The following ANO3 variants were observed in gnomAD, a reference collection of about 807,000 sequenced individuals.
ANO3 encodes the protein anoctamin-3.
Under a neutral mutation model 144.8 loss-of-function variants are expected in ANO3, and 99 were observed. That is an observed-to-expected ratio of 0.68 (90% confidence interval 0.58 to 0.81). The LOEUF is 0.81. Ranked by LOEUF, ANO3 falls within the 30% of genes least tolerant of loss-of-function variation. ANO3 has a pLI of 0.00. For synonymous variants in ANO3, 414 were observed against 392.6 expected (o/e 1.05, Z -0.64); for missense variants, 905 against 1,202.2 (o/e 0.75, Z 3.66).
At chr11:26,532,436 T>C (rs1207414171) in intron 8 of ANO3, among the ~76,000 whole-genome samples, 1 of 152,072 alleles carries the variant, frequency 6.6e-6, no homozygotes, top group Non-Finnish European at 1.5e-5. Context: ...ACCAGAGTAA[T>C]CTTTGGAAAA....
At chr11:26,502,656 C>T (rs1861244525) in intron 4 of ANO3, among the ~76,000 whole-genome samples, 1 of 152,106 alleles carries the variant, frequency 6.6e-6, no homozygotes, top group Non-Finnish European at 1.5e-5. Context: ...CTCTGACATT[C>T]TTCATGTCTT....
At chr11:26,332,086 C>T (rs1018705386), upstream of ANO3, 109 of 1,451,380 alleles carry the variant, frequency 7.5e-5, no homozygotes, top group Non-Finnish European at 9.5e-5. Context: ...GCTAGACCGC[C>T]CTCCCGCGTT....
intron 1 of ANO3, among the ~76,000 whole-genome samples, chr11:26,312,338 G>A (rs1364719559): frequency 6.6e-6 from 1 of 152,168 alleles, no homozygotes; most frequent in South Asian, 2.1e-4. Flanking sequence ...AGCATGATTT[G>A]TAATCCTTTG....
At chr11:26,406,939 T>A (rs1023149671) in intron 1 of ANO3, among the ~76,000 whole-genome samples, 11 of 147,720 alleles carry the variant, frequency 7.4e-5, no homozygotes, top group African/African-American at 2.7e-4. Context: ...TATAAATACA[T>A]CTGTGTATAT....
chr11:26,560,959 C>CA, intron 14 of ANO3: 1 of 1,140,990 alleles, frequency 8.8e-7, no homozygotes, highest in Non-Finnish European at 1.2e-6. Flanking sequence ...TTCTCCTTGA[C>CA]AAAATCCACG....
At position 26,523,997 on chromosome 11, in the gene ANO3, T is replaced by A. The variant is rs537749351; in HGVS notation, c.693-1638T>A. Among the ~76,000 whole-genome samples, 7 of 152,258 alleles carry A rather than the reference T, an allele frequency of 4.6e-5. No homozygotes were observed. The East Asian group carries it at 1.4e-3, about 29-fold the overall frequency. On this transcript the variant is annotated intron_variant, in intron 6 of 26. Transcript: ENST00000256737. ...CCAATTTCCATATTTGTAGCTTTTT[T>A]GAAAAAAATACTGTATTTAGTAAGT...
At chr11:26,211,647 GT>G (rs1564918796) in intron 1 of ANO3, among the ~76,000 whole-genome samples, 1 of 152,178 alleles carries the variant, frequency 6.6e-6, no homozygotes. Flanking sequence ...GTAGAAGACA[GT>G]TTGGCAATTT....
intron 10 of ANO3, among the ~76,000 whole-genome samples, chr11:26,538,987 A>G (rs890607541): frequency 1.3e-5 from 2 of 152,122 alleles, no homozygotes; most frequent in African/African-American, 4.8e-5. Context: ...CTTTTCCTTA[A>G]TGCAGGAGAC....
At chr11:26,373,621 T>C (rs1423044817) in intron 1 of ANO3, among the ~76,000 whole-genome samples, 1 of 152,206 alleles carries the variant, frequency 6.6e-6, no homozygotes, top group Non-Finnish European at 1.5e-5. Flanking sequence ...GTCCTGATAC[T>C]TCTTACTTTT....
chr11:26,196,921 TAA>T (rs991085257), intron 1 of ANO3, among the ~76,000 whole-genome samples: 20 of 152,226 alleles, frequency 1.3e-4, no homozygotes, highest in African/African-American at 4.8e-4. Context: ...AAAAACTCAT[TAA>T]GAGAGAATAA....
chr11:26,413,371 A>C (rs1394179279), intron 1 of ANO3, among the ~76,000 whole-genome samples: 1 of 151,928 alleles, frequency 6.6e-6, no homozygotes, highest in Non-Finnish European at 1.5e-5. Flanking sequence ...TCTACACAAG[A>C]ATATTTGAAG....
At chr11:26,652,593 C>G (rs1476172359) in intron 24 of ANO3, among the ~76,000 whole-genome samples, 1 of 152,098 alleles carries the variant, frequency 6.6e-6, no homozygotes, top group African/African-American at 2.4e-5. Flanking sequence ...TGTATTTTGC[C>G]TCTATTTACA....
Position 26,635,955 on chromosome 11 carries a change from T to C in ANO3, c.2043+885T>C, listed in dbSNP as rs1852944540. Among the ~76,000 whole-genome samples, 3 of 152,156 alleles carry C rather than the reference T, an allele frequency of 2.0e-5. No individual in the cohort carries two copies. In the South Asian group the frequency reaches 6.2e-4, roughly 32 times the overall value. ...GCTCACACCTGTAGTCCCAACACTT[T>C]AGGAGGCCAAGGCAGGATGATTGCT... On this transcript the variant is annotated intron_variant, in intron 20 of 26. Transcript: ENST00000256737.
At chr11:26,546,971 G>A (rs1440483882) in intron 11 of ANO3, among the ~76,000 whole-genome samples, 3 of 151,870 alleles carry the variant, frequency 2.0e-5, no homozygotes, top group Admixed American at 6.6e-5. Context: ...TGCACATTGT[G>A]TCTAGCATAA....
At chr11:26,233,891 A>G (rs1415240705) in intron 1 of ANO3, among the ~76,000 whole-genome samples, 3 of 152,202 alleles carry the variant, frequency 2.0e-5, no homozygotes, top group Non-Finnish European at 4.4e-5. Flanking sequence ...GAGTCAAACA[A>G]CGAGAACACA....
At chr11:26,308,458 A>G (rs1854433224), upstream of ANO3, among the ~76,000 whole-genome samples, 1 of 152,192 alleles carries the variant, frequency 6.6e-6, no homozygotes, top group South Asian at 2.1e-4. Flanking sequence ...ATCATTATTC[A>G]TTTATCTGGC....
chr11:26,632,230 T>C (rs1398332451), intron 18 of ANO3, among the ~76,000 whole-genome samples: 4 of 146,516 alleles, frequency 2.7e-5, no homozygotes, highest in Non-Finnish European at 6.0e-5. Flanking sequence ...TTGACTGTCA[T>C]ATCTGACATC....
chr11:26,484,551 C>G (rs1860366645), intron 4 of ANO3, among the ~76,000 whole-genome samples: 1 of 152,162 alleles, frequency 6.6e-6, no homozygotes, highest in Non-Finnish European at 1.5e-5. Context: ...AGGCAGAAGT[C>G]TGCTGCAGGG....
intron 16 of ANO3, 55 bp from the exon 17 acceptor site, chr11:26,599,495 T>A (rs1851731459): frequency 2.6e-6 from 4 of 1,565,834 alleles, no homozygotes; most frequent in Non-Finnish European, 3.5e-6. Context: ...GGTTTTGCTT[T>A]TGACTTGTTA....
Sources: allele counts gnomAD v4.1 joint callset (sites outside exome capture counted in the v4.1 genomes callset), GRCh38; gene constraint gnomAD v4.1.1; transcripts MANE v1.5; gene names NCBI Gene and HGNC (gene_info 2026-07-23, HGNC 2026-07-21).